LCORL: variants seen among roughly 807,000 people sequenced by gnomAD.
LCORL encodes the protein ligand-dependent nuclear receptor corepressor-like protein.
In LCORL, 41 loss-of-function variants were observed where a neutral mutation model predicts 141.8. The observed-to-expected ratio is 0.29, with a 90% CI of 0.23 to 0.38. The LOEUF is 0.38. LCORL is among the 10% of genes least tolerant of loss of function. LCORL has a pLI of 1.00. For missense variants in LCORL, 1,759 were observed against 2,035.0 expected, an observed-to-expected ratio of 0.86 and a Z score of 2.61; for synonymous variants, 618 against 694.1, an observed-to-expected ratio of 0.89 and a Z score of 1.72.
rs2109313672 is a variant in LCORL at position 17,905,845 on chromosome 4, TA to T, written c.682+3248del. ...ATGTAAGCACTAGCAAATAGCAACA[TA>T]AAAAAAGGCATAACTGACACTGCTA... On this transcript the variant is annotated intron_variant, in intron 5 of 7. Coordinates refer to ENST00000635767, the Ensembl canonical transcript of LCORL. 2.0e-5 allele frequency among the ~76,000 whole-genome samples: 3 copies of T among 151,946 alleles called. No individual in the cohort carries two copies. The South Asian group carries it at 6.2e-4, about 32-fold the overall frequency.
chr4:18,015,250 A>T (rs1036755005), intron 1 of LCORL, among the ~76,000 whole-genome samples: 24 of 152,194 alleles, frequency 1.6e-4, no homozygotes, highest in Admixed American at 1.5e-3. Flanking sequence ...GAAGCAGCGC[A>T]CCCATGTAGC....
chr4:17,882,135 T>G, intron 6 of LCORL: 1 of 983,952 alleles, frequency 1.0e-6, no homozygotes, highest in Non-Finnish European at 1.2e-6. Flanking sequence ...TAAAATTTAA[T>G]AGCTGAAAAT....
chr4:17,948,778 GA>G (rs886588555), intron 4 of LCORL, among the ~76,000 whole-genome samples: 5 of 149,542 alleles, frequency 3.3e-5, no homozygotes, highest in African/African-American at 7.4e-5. Flanking sequence ...TCATATCAGG[GA>G]AAAAAAAAGG....
At chr4:17,877,325 G>A in exon 7 of LCORL, 1 of 1,229,250 alleles carries the variant, frequency 8.1e-7, no homozygotes, top group Non-Finnish European at 1.0e-6. Flanking sequence ...TATAATCACT[G>A]CTAGATAATT....
At chr4:17,980,768 C>T (rs1285819464) in intron 1 of LCORL, among the ~76,000 whole-genome samples, 3 of 152,174 alleles carry the variant, frequency 2.0e-5, no homozygotes, top group Admixed American at 6.5e-5. Context: ...AGGTGAGCAG[C>T]GGGCAAGCGA....
At chr4:17,940,240 C>T (rs1737711231) in intron 4 of LCORL, among the ~76,000 whole-genome samples, 1 of 139,822 alleles carries the variant, frequency 7.2e-6, no homozygotes, top group East Asian at 2.1e-4. Flanking sequence ...TCTAAGGACA[C>T]TGTCCTTAAG....
chr4:17,865,946 A>G (rs1341742413), intron 7 of LCORL, among the ~76,000 whole-genome samples: 2 of 152,202 alleles, frequency 1.3e-5, no homozygotes, highest in Non-Finnish European at 2.9e-5. Context: ...TGATTATGTC[A>G]TATCTTCCCT....
chr4:17,907,833 A>G (rs1431613881), intron 5 of LCORL, among the ~76,000 whole-genome samples: 2 of 152,182 alleles, frequency 1.3e-5, no homozygotes, highest in Admixed American at 1.3e-4. Context: ...CACCCATGCG[A>G]TATCATAGTT....
At chr4:17,896,434 C>A (rs929488350) in intron 5 of LCORL, among the ~76,000 whole-genome samples, 3 of 152,154 alleles carry the variant, frequency 2.0e-5, no homozygotes, top group Non-Finnish European at 4.4e-5. Flanking sequence ...CAGGCATGTA[C>A]CACCACACCC....
At chr4:17,970,608 A>G (rs925968038) in intron 2 of LCORL, among the ~76,000 whole-genome samples, 2 of 152,228 alleles carry the variant, frequency 1.3e-5, no homozygotes, top group East Asian at 3.8e-4. Context: ...CAAGGGCTTC[A>G]ATGGGCAATA....
chr4:17,842,160 C>A, exon 8 of LCORL: 2 of 591,530 alleles, frequency 3.4e-6, no homozygotes, highest in African/African-American at 1.9e-5. Flanking sequence ...GCAGTGATAA[C>A]TGGTACCAAG....
At chr4:17,954,755 TA>T (rs1392975292) in intron 4 of LCORL, among the ~76,000 whole-genome samples, 1 of 152,112 alleles carries the variant, frequency 6.6e-6, no homozygotes, top group Non-Finnish European at 1.5e-5. Context: ...ATGTGGGCTG[TA>T]AAAGATACTG....
chr4:17,898,181 G>A (rs991444247), intron 5 of LCORL, among the ~76,000 whole-genome samples: 4 of 151,954 alleles, frequency 2.6e-5, no homozygotes, highest in Admixed American at 6.6e-5. Context: ...AGGTTTAAGG[G>A]TTCCTTAAAG....
At chr4:17,971,681 C>G (rs958427534) in intron 2 of LCORL, among the ~76,000 whole-genome samples, 1 of 151,460 alleles carries the variant, frequency 6.6e-6, no homozygotes, top group African/African-American at 2.4e-5. Flanking sequence ...ACAAAAAATC[C>G]TTTTCCCAAC....
Position 17,887,252 on chromosome 4 carries a change from C to T in LCORL, c.683-1091G>A, listed in dbSNP as rs563595878. Among the ~76,000 whole-genome samples the T allele has an allele frequency of 1.6e-4, 24 of 152,108 alleles. No individual in the cohort carries two copies. The South Asian group carries it at 3.1e-3, about 20-fold the overall frequency. On this transcript the variant is annotated intron_variant, in intron 5 of 7. Coordinates refer to ENST00000635767, the Ensembl canonical transcript of LCORL. The stretch of plus-strand genomic sequence containing the variant: ...CAAAAAAAAAAGTCATACAAAGTAC[C>T]TATTGTCATAGTCATAGTGCTTAGG...
intron 6 of LCORL, chr4:17,882,528 C>G (rs1727710131): frequency 4.1e-6 from 4 of 984,332 alleles, no homozygotes. Flanking sequence ...TCTAACTACC[C>G]AATTAGTAGA....
intron 4 of LCORL, among the ~76,000 whole-genome samples, chr4:17,947,467 GT>G (rs535027694): frequency 1.1e-4 from 17 of 150,924 alleles, no homozygotes; most frequent in African/African-American, 3.6e-4. Context: ...GGATTTGTTG[GT>G]TTTTTTTTAG....
chr4:17,978,817 T>G (rs1358920030), intron 1 of LCORL, among the ~76,000 whole-genome samples: 1 of 152,192 alleles, frequency 6.6e-6, no homozygotes, highest in Non-Finnish European at 1.5e-5. Context: ...CTTGAGCTCT[T>G]TCTCTCTGCA....
chr4:17,863,932 G>A (rs1260525028), intron 7 of LCORL, among the ~76,000 whole-genome samples: 1 of 152,184 alleles, frequency 6.6e-6, no homozygotes, highest in Non-Finnish European at 1.5e-5. Flanking sequence ...TCACTTGTAA[G>A]TGGAAGTTAA....
Sources: gnomAD v4.1 joint callset for allele counts (sites outside exome capture counted in the v4.1 genomes callset) on GRCh38, gnomAD v4.1.1 for gene constraint, MANE v1.5 for transcripts, NCBI Gene and HGNC (gene_info 2026-07-23, HGNC 2026-07-21) for gene names.